The following NBAS variants were observed in gnomAD, a reference collection of about 807,000 sequenced individuals.
NBAS encodes the protein NAG/BC035112 fusion.
In NBAS, 219 loss-of-function variants were observed where a neutral mutation model predicts 302.5. The observed-to-expected ratio is 0.72, with a 90% CI of 0.65 to 0.81. The LOEUF is 0.81. NBAS is among the 30% of genes least tolerant of loss of function. NBAS has a pLI of 0.00. For missense variants in NBAS, 2,932 were observed against 2,841.6 expected (o/e 1.03, Z -0.72); for synonymous variants, 1,118 against 1,021.6 (o/e 1.09, Z -1.80).
chr2:15,464,078 TCACAC>T lies in NBAS; in HGVS notation c.2098-2292_2098-2288del, dbSNP rs555686460. On this transcript the variant is annotated intron_variant, in intron 19 of 51. Coordinates refer to ENST00000281513, the MANE Select transcript of NBAS (RefSeq NM_015909.4). ...CTGAGCAATGGGCACATCGGGCTCA[TCACAC>T]CACTCTTCTCTCTACTTCTTTGACT... Among the ~76,000 whole-genome samples, 363 of 152,282 alleles carry T rather than the reference TCACAC, an allele frequency of 2.4e-3. 1 individual carries two copies. Among genetic ancestry groups the T allele is most frequent in the Admixed American group, 3.4e-3 (52 of 15,286 alleles).
At chr2:15,492,638 G>A (rs1464163852) in intron 11 of NBAS, among the ~76,000 whole-genome samples, 2 of 151,968 alleles carry the variant, frequency 1.3e-5, no homozygotes, top group Non-Finnish European at 2.9e-5. Flanking sequence ...TGTATTTTTT[G>A]TAGAGGGTCA....
the NBAS span, among the ~76,000 whole-genome samples, chr2:15,063,864 T>C: frequency 6.6e-6 from 1 of 152,178 alleles, no homozygotes; most frequent in Non-Finnish European, 1.5e-5. Flanking sequence ...AAATAAACTT[T>C]TGTTGCTTAA....
rs140844794 is a variant in NBAS, at chr2:15,289,929, G to A, written c.5027+2608C>T. The stretch of plus-strand genomic sequence containing the variant: ...GGATAATCACTTCAACCTGGGAGGT[G>A]GAGGTTGTGGTGAGCTGAGATCGTG... On this transcript the variant is annotated intron_variant, in intron 41 of 51. Coordinates refer to ENST00000281513, the MANE Select transcript of NBAS (RefSeq NM_015909.4). Among the ~76,000 whole-genome samples, 1,203 of 152,214 alleles carry A rather than the reference G, an allele frequency of 7.9e-3. 13 individuals are homozygous for A. Among genetic ancestry groups the A allele is most frequent in the African/African-American group, 0.023 (958 of 41,522 alleles).
rs1553349523 is a variant in NBAS at position 15,238,701 on chromosome 2, T to TTAAG, written c.5725-16_5725-15insCTTA. On this transcript the variant is annotated splice_polypyrimidine_tract_variant and intron_variant, in intron 44 of 51. Transcript: ENST00000281513. ...TCCACAGACAGCTTAAAAAAAAGAA[T>TTAAG]AGTGAGACCAAAGAACCCTGCATTA... is the stretch of plus-strand genomic sequence containing the variant. The TTAAG allele has an allele frequency of 6.2e-7, 1 of 1,606,876 alleles. No homozygotes were observed. The highest frequency in any genetic ancestry group is 8.5e-7 in the Non-Finnish European group (1 of 1,176,626).
rs1673388504 is a variant in NBAS, at chr2:15,352,073, A to G, written c.4098T>C (p.Tyr1366=). 1.2e-6 allele frequency: 2 copies of G among 1,607,300 alleles called. No homozygotes were observed. The highest frequency in any genetic ancestry group is 1.7e-6 in the Non-Finnish European group (2 of 1,174,042). The change falls in exon 35 of 52, where the codon TAT becomes TAC. Residue 1366 remains tyrosine, a synonymous_variant. Coordinates refer to ENST00000281513, the MANE Select transcript of NBAS (RefSeq NM_015909.4). ...GATGGATCTGGAAATTCACTCTTTG[A>G]TAAAGAATCTAAAACAAGAATAGGC... ...ASSSLQTEIL[Y]QRVNFQIHHE... is the part of the protein sequence containing the mutation.
chr2:15,127,177 G>A, the NBAS span, among the ~76,000 whole-genome samples: 785 of 152,306 alleles, frequency 5.2e-3, 9 homozygotes, highest in African/African-American at 0.017. Context: ...GCACTGGACT[G>A]CAAATTATGT....
chr2:14,911,653 G>C, the NBAS span, among the ~76,000 whole-genome samples: 1 of 152,144 alleles, frequency 6.6e-6, no homozygotes, highest in African/African-American at 2.4e-5. Context: ...CAAGATTAAA[G>C]AAAGTGACTA....
At chr2:15,038,438 ACTT>A in the NBAS span, among the ~76,000 whole-genome samples, 1,507 of 152,230 alleles carry the variant, frequency 9.9e-3, 27 homozygotes, top group African/African-American at 0.034. Context: ...ACAGGAAAGA[ACTT>A]CTATTTGATT....
chr2:15,400,263 G>C (rs568261593), intron 26 of NBAS, among the ~76,000 whole-genome samples: 12 of 151,624 alleles, frequency 7.9e-5, no homozygotes, highest in Admixed American at 7.9e-4. Context: ...GAAAGGAATA[G>C]AGAGATCATT....
At chr2:15,183,730 T>C (rs1035657442) in intron 50 of NBAS, among the ~76,000 whole-genome samples, 2 of 152,204 alleles carry the variant, frequency 1.3e-5, no homozygotes, top group Non-Finnish European at 2.9e-5. Flanking sequence ...TGTTCTACTA[T>C]GTATGATGTT....
chr2:15,558,611 A>G lies in NBAS; in HGVS notation c.141T>C (p.Gly47=), dbSNP rs1664759550. ...EVQPRGNQKH[G]ASFIITKAIR... ...TTGCTTTCGTGATGATAAAGGATGC[A>G]CCATGTTTTTGGTTGCCTCTAGGCT... The change falls in exon 2 of 52, where the codon GGT becomes GGC. Residue 47 remains glycine, a synonymous_variant. Coordinates refer to ENST00000281513, the MANE Select transcript of NBAS (RefSeq NM_015909.4). 1 of 1,613,092 alleles carries G rather than the reference A, an allele frequency of 6.2e-7. No individual in the cohort carries two copies. The highest frequency in any genetic ancestry group is 8.5e-7 in the Non-Finnish European group (1 of 1,179,484).
the NBAS span, among the ~76,000 whole-genome samples, chr2:14,941,277 T>C: frequency 1.3e-5 from 2 of 152,192 alleles, no homozygotes; most frequent in East Asian, 3.9e-4. Context: ...TATATGACTA[T>C]CTCTGTAGGC....
chr2:15,248,890 G>T (rs1200251782), intron 44 of NBAS, among the ~76,000 whole-genome samples: 2 of 152,086 alleles, frequency 1.3e-5, no homozygotes, highest in Non-Finnish European at 1.5e-5. Context: ...ATACAAAGAG[G>T]AGCTGGTACC....
the NBAS span, among the ~76,000 whole-genome samples, chr2:14,878,619 G>A: frequency 6.6e-6 from 1 of 152,136 alleles, no homozygotes; most frequent in Non-Finnish European, 1.5e-5. Context: ...TGTACTCACT[G>A]TTTTTATTTT....
rs57852145 is a variant in NBAS, at chr2:15,474,549, TTTCTTCTTC to T, written c.1342-234_1342-226del. 5.9e-3 allele frequency among the ~76,000 whole-genome samples: 872 copies of T among 147,836 alleles called. 5 individuals are homozygous for T. Among genetic ancestry groups the T allele is most frequent in the Middle Eastern group, 0.01 (3 of 290 alleles). On this transcript the variant is annotated intron_variant, in intron 14 of 51. Transcript: ENST00000281513. Reference sequence around the variant, plus strand: ...TCAAATCTAAACTAAAGCCTGTTTTTTTCTTCTTCTTCTTCTTCTTCTTCTTCTTTGAGA... The same window carrying T: ...TCAAATCTAAACTAAAGCCTGTTTTTTTCTTCTTCTTCTTCTTCTTTGAGA...
intron 40 of NBAS, among the ~76,000 whole-genome samples, chr2:15,294,960 G>A (rs77930756): frequency 0.029 from 4,442 of 152,238 alleles, 224 homozygotes; most frequent in African/African-American, 0.1. Flanking sequence ...CTATCTCTGC[G>A]TATAACTCCA....
intron 41 of NBAS, among the ~76,000 whole-genome samples, chr2:15,288,037 C>T (rs1670134703): frequency 1.3e-5 from 2 of 152,236 alleles, no homozygotes; most frequent in Admixed American, 1.3e-4. Flanking sequence ...CATAGGCAGC[C>T]CCCACAGCCA....
the NBAS span, among the ~76,000 whole-genome samples, chr2:15,071,318 T>G: frequency 6.6e-6 from 1 of 152,138 alleles, no homozygotes; most frequent in East Asian, 1.9e-4. Flanking sequence ...TGGCCTGCAG[T>G]GCCCAAGAAA....
At chr2:15,514,270 A>G (rs866150028) in intron 9 of NBAS, among the ~76,000 whole-genome samples, 1 of 152,210 alleles carries the variant, frequency 6.6e-6, no homozygotes. Flanking sequence ...AGGAGTCAGT[A>G]TACTATTCTA....
Sources: allele counts gnomAD v4.1 joint callset (sites outside exome capture counted in the v4.1 genomes callset), GRCh38; gene constraint gnomAD v4.1.1; transcripts MANE v1.5; gene names NCBI Gene and HGNC (gene_info 2026-07-23, HGNC 2026-07-21).